KIFAP3: variants seen among roughly 807,000 people sequenced by gnomAD.
KIFAP3 encodes kinesin associated protein 3.
A neutral mutation model predicts 106.5 loss-of-function variants in KIFAP3; 68 were observed. That is an observed-to-expected ratio of 0.64 (90% CI 0.53 to 0.78). KIFAP3 has a LOEUF of 0.78. Ranked by LOEUF, KIFAP3 falls within the 30% of genes least tolerant of loss-of-function variation. The pLI, the probability that KIFAP3 is intolerant of heterozygous loss-of-function variation, is 0.00. For missense variants in KIFAP3, 780 were observed against 941.8 expected (o/e 0.83, Z 2.25); for synonymous variants, 320 against 311.5 (o/e 1.03, Z -0.29).
At chr1:169,997,705 T>C (rs1667434499) in intron 10 of KIFAP3, among the ~76,000 whole-genome samples, 2 of 151,736 alleles carry the variant, frequency 1.3e-5, no homozygotes. Context: ...ACCCTGTCTC[T>C]ACTAAAACAT....
chr1:170,067,500 T>C (rs1451994721), intron 1 of KIFAP3: 1 of 152,256 alleles, frequency 6.6e-6, no homozygotes, highest in Admixed American at 6.5e-5. Flanking sequence ...GTCTTTTCAC[T>C]TACCCTAGAC....
chr1:170,055,871 C>T (rs1670825445), intron 1 of KIFAP3, among the ~76,000 whole-genome samples: 1 of 152,070 alleles, frequency 6.6e-6, no homozygotes, highest in Non-Finnish European at 1.5e-5. Context: ...ATGGCTCACA[C>T]CTGTAATCCC....
rs1052179614 is a variant in KIFAP3, at chr1:169,954,126, A to T, written c.2174-16T>A. 78 of 1,501,232 alleles carry T rather than the reference A, an allele frequency of 5.2e-5. No individual in the cohort carries two copies. The highest frequency in any genetic ancestry group is 6.4e-5 in the Non-Finnish European group (69 of 1,078,580). The allele number at this position is 1,501,232 out of a possible 1,614,324, so 93.0% of individuals were successfully genotyped here. A position where few individuals can be genotyped will look rare whatever the true frequency, so the allele number is the denominator to read the frequency against. On this transcript the variant is annotated splice_polypyrimidine_tract_variant and intron_variant, in intron 18 of 19. Coordinates refer to ENST00000361580, the MANE Select transcript of KIFAP3 (RefSeq NM_014970.4). ...ATTAATCCATCTAGAAAGAAAAAAA[A>T]ATGGTAACCAGTAAAACATATGTGT...
At chr1:169,988,864 C>T (rs1666966505) in intron 11 of KIFAP3, among the ~76,000 whole-genome samples, 1 of 151,838 alleles carries the variant, frequency 6.6e-6, no homozygotes, top group South Asian at 2.1e-4. Flanking sequence ...TTGGTTTTCT[C>T]AAAATACCAG....
intron 1 of KIFAP3, 147 bp downstream of exon 1, chr1:170,074,289 C>T (rs911508061): frequency 3.8e-5 from 37 of 973,104 alleles, no homozygotes; most frequent in Non-Finnish European, 5.4e-5. Flanking sequence ...TCCACTTCAC[C>T]TTTTCCCTCT....
chr1:169,991,219 C>T (rs1483406175), intron 11 of KIFAP3, among the ~76,000 whole-genome samples: 2 of 151,830 alleles, frequency 1.3e-5, no homozygotes, highest in Non-Finnish European at 2.9e-5. Context: ...TGGTGGTGCA[C>T]ACCTGTAGTC....
At chr1:169,980,902 G>A (rs2101907306) in intron 15 of KIFAP3, among the ~76,000 whole-genome samples, 1 of 152,256 alleles carries the variant, frequency 6.6e-6, no homozygotes, top group South Asian at 2.1e-4. Context: ...GGGAGTTCAA[G>A]ACCAGCCTGA....
chr1:169,951,662 G>A (rs1260842335), intron 19 of KIFAP3, among the ~76,000 whole-genome samples: 2 of 151,746 alleles, frequency 1.3e-5, no homozygotes, highest in African/African-American at 4.8e-5. Flanking sequence ...CTAGAAATTA[G>A]AGATTTTGCT....
intron 10 of KIFAP3, among the ~76,000 whole-genome samples, chr1:170,012,069 T>C (rs984511809): frequency 6.6e-6 from 1 of 152,118 alleles, no homozygotes; most frequent in Admixed American, 6.6e-5. Flanking sequence ...GGGGAACTCA[T>C]TTGTAATTCA....
intron 7 of KIFAP3, among the ~76,000 whole-genome samples, chr1:170,032,931 T>C (rs1669488506): frequency 6.6e-6 from 1 of 151,862 alleles, no homozygotes; most frequent in Non-Finnish European, 1.5e-5. Context: ...AAATACAATA[T>C]GTCCTAAGAT....
At chr1:169,936,716 A>G (rs567677398) in intron 19 of KIFAP3, among the ~76,000 whole-genome samples, 21 of 151,718 alleles carry the variant, frequency 1.4e-4, no homozygotes, top group African/African-American at 5.1e-4. Flanking sequence ...TAAGTCAATG[A>G]ATGACACACT....
At chr1:170,076,858 G>A (rs1330376), upstream of KIFAP3, among the ~76,000 whole-genome samples, 22 of 152,328 alleles carry the variant, frequency 1.4e-4, no homozygotes, top group Admixed American at 2.6e-4. Flanking sequence ...TAAAGGAAAA[G>A]AAATGTTACT....
intron 18 of KIFAP3, among the ~76,000 whole-genome samples, chr1:169,954,610 A>G (rs1401132401): frequency 6.6e-6 from 1 of 152,244 alleles, no homozygotes; most frequent in East Asian, 1.9e-4. Flanking sequence ...GAATTTCTAA[A>G]TAAGCAATAT....
At chr1:169,951,736 A>C (rs925961283) in intron 19 of KIFAP3, among the ~76,000 whole-genome samples, 1 of 151,884 alleles carries the variant, frequency 6.6e-6, no homozygotes, top group Non-Finnish European at 1.5e-5. Flanking sequence ...AAAGTCACAT[A>C]ATTAAATTTA....
At chr1:169,943,687 C>T (rs1433653124) in intron 19 of KIFAP3, among the ~76,000 whole-genome samples, 5 of 152,036 alleles carry the variant, frequency 3.3e-5, no homozygotes, top group East Asian at 1.9e-4. Flanking sequence ...TCATAAGAAC[C>T]GTCATCCTTG....
At chr1:169,936,953 A>AAT (rs1171074556) in intron 19 of KIFAP3, among the ~76,000 whole-genome samples, 3 of 50,124 alleles carry the variant, frequency 6.0e-5, no homozygotes, top group Non-Finnish European at 8.7e-5. Flanking sequence ...TTTTTAGAGG[A>AAT]ATATATATTA....
At chr1:169,944,955 G>A (rs1319353199) in intron 19 of KIFAP3, among the ~76,000 whole-genome samples, 1 of 152,102 alleles carries the variant, frequency 6.6e-6, no homozygotes, top group Non-Finnish European at 1.5e-5. Flanking sequence ...CCAGGCTCAG[G>A]CCATCCCTGG....
chr1:169,998,815 G>GT (rs1260267451), intron 10 of KIFAP3, among the ~76,000 whole-genome samples: 3 of 152,068 alleles, frequency 2.0e-5, no homozygotes, highest in Non-Finnish European at 4.4e-5. Flanking sequence ...TAAACCATAT[G>GT]TATCTTATTC....
intron 19 of KIFAP3, among the ~76,000 whole-genome samples, chr1:169,944,830 T>C (rs1664343617): frequency 6.6e-6 from 1 of 151,932 alleles, no homozygotes; most frequent in Non-Finnish European, 1.5e-5. Context: ...TTTTCTAGGC[T>C]CAGAAGGGAG....
Sources: gnomAD v4.1 joint callset for allele counts (sites outside exome capture counted in the v4.1 genomes callset) on GRCh38, gnomAD v4.1.1 for gene constraint, MANE v1.5 for transcripts, NCBI Gene and HGNC (gene_info 2026-07-23, HGNC 2026-07-21) for gene names.